The following GRHL3 variants were observed in gnomAD, a reference collection of about 807,000 sequenced individuals.
The protein encoded by GRHL3 is grainyhead like transcription factor 3.
GRHL3 carries 20 observed loss-of-function variants against 70.3 expected under a neutral mutation model. The observed-to-expected ratio is 0.28, with a 90% CI of 0.20 to 0.41. The LOEUF (loss-of-function observed/expected upper bound fraction) is 0.41. Among genes scored for constraint, GRHL3 ranks in the 10% least tolerant of loss-of-function variants. GRHL3 has a pLI of 1.00. For synonymous variants in GRHL3, 299 were observed against 299.9 expected, an observed-to-expected ratio of 1.00 and a Z score of 0.03; for missense variants, 637 against 762.3, an observed-to-expected ratio of 0.84 and a Z score of 1.94.
downstream of GRHL3, among the ~76,000 whole-genome samples, chr1:24,359,485 C>A (rs1471512252): frequency 6.6e-6 from 1 of 152,200 alleles, no homozygotes; most frequent in Non-Finnish European, 1.5e-5. The surrounding 1 kb of genome is among the most constrained non-coding windows in gnomAD (Gnocchi z 5.3). Flanking sequence ...CCTCTACAGC[C>A]TTGCTGGTGT....
downstream of GRHL3, chr1:24,358,674 G>C: frequency 7.2e-7 from 1 of 1,387,330 alleles, no homozygotes; most frequent in Non-Finnish European, 1.0e-6. Flanking sequence ...CATTGCTGCA[G>C]TCTCTGGCAT....
chr1:24,319,845 G>A, intron 1 of GRHL3: 1 of 918,440 alleles, frequency 1.1e-6, no homozygotes, highest in African/African-American at 1.7e-5. Flanking sequence ...GAAGGTTTCT[G>A]GCACCACTTT....
At chr1:24,353,675 A>C (rs1640603611) in intron 15 of GRHL3, among the ~76,000 whole-genome samples, 1 of 152,126 alleles carries the variant, frequency 6.6e-6, no homozygotes, top group Non-Finnish European at 1.5e-5. Flanking sequence ...GATCAGCTCA[A>C]GTCACATCTT....
At chr1:24,319,901 T>C in intron 1 of GRHL3, 1 of 421,606 alleles carries the variant, frequency 2.4e-6, no homozygotes, top group South Asian at 2.5e-5. Context: ...CCCAATCCCA[T>C]CGAGGCTTTC....
Position 24,342,162 on chromosome 1 carries a change from G to C in GRHL3, c.1095G>C (p.Lys365Asn). 6.2e-7 allele frequency: 1 copy of C among 1,611,514 alleles called. No homozygotes were observed. The highest frequency in any genetic ancestry group is 8.5e-7 in the Non-Finnish European group (1 of 1,178,618). The change falls in exon 9 of 16, where the codon AAG becomes AAC. Residue 365 changes from lysine to asparagine, a missense_variant. Around this residue, in one of 2 missense-constraint regions of GRHL3, gnomAD observed 387 missense variants for 513.8 expected, o/e 0.75. Transcript: ENST00000361548. The surrounding 1 kb of genome is among the most constrained non-coding windows in gnomAD (Gnocchi z 4.8). ...TGAGCACAGACTTTTCCTCACAAAA[G>C]GGGGTGAAGGGTGTCCCCCTGAACC... The part of the protein sequence containing the change: ...NCLSTDFSSQ[K>N]GVKGVPLNLQ...
At chr1:24,356,172 TACAGGCGTGAGC>T (rs1054037924), downstream of GRHL3, among the ~76,000 whole-genome samples, 7 of 152,160 alleles carry the variant, frequency 4.6e-5, no homozygotes, top group African/African-American at 1.4e-4. Flanking sequence ...GTGCTGGGAT[TACAGGCGTGAGC>T]CACTGCACCT....
intron 1 of GRHL3, among the ~76,000 whole-genome samples, chr1:24,327,246 T>G (rs966801150): frequency 6.6e-6 from 1 of 152,236 alleles, no homozygotes; most frequent in African/African-American, 2.4e-5. Context: ...GTTAATTTTC[T>G]TCATAGCACT....
intron 13 of GRHL3, 86 bp downstream of exon 13, chr1:24,346,727 G>A: frequency 9.8e-7 from 1 of 1,023,476 alleles, no homozygotes; most frequent in Non-Finnish European, 1.5e-6. Flanking sequence ...TCCTTGGGGT[G>A]GGGCACGAGG....
downstream of GRHL3, among the ~76,000 whole-genome samples, chr1:24,359,916 G>C (rs1640983096): frequency 6.6e-6 from 1 of 152,158 alleles, no homozygotes; most frequent in Admixed American, 6.5e-5. The surrounding 1 kb of genome is among the most constrained non-coding windows in gnomAD (Gnocchi z 5.3). Context: ...TGTAACAGGG[G>C]ATCCCTACTT....
intron 1 of GRHL3, among the ~76,000 whole-genome samples, chr1:24,327,870 C>T (rs1012282142): frequency 1.3e-5 from 2 of 152,126 alleles, no homozygotes; most frequent in South Asian, 4.1e-4. Flanking sequence ...CTTTAAGAGA[C>T]CAGAGAGCCA....
Position 24,322,030 on chromosome 1 carries a change from G to T in GRHL3, c.17+2462G>T, listed in dbSNP as rs1181795645. 1 of 152,126 alleles carries T rather than the reference G, an allele frequency of 6.6e-6. No homozygotes were observed. Among genetic ancestry groups the T allele is most frequent in the African/African-American group, 2.4e-5 (1 of 41,434 alleles). 9.4% of individuals were successfully genotyped at this position (152,126 alleles called of 1,614,324 possible). ...CAGCGTCGGGTTTTCCTGAAGGTGC[G>T]TCGGGGCCCCCGGGGAGCTGGAGCC... On this transcript the variant is annotated intron_variant, in intron 1 of 15. Coordinates refer to ENST00000361548, the MANE Select transcript of GRHL3 (RefSeq NM_198173.3). This position sits in a 1 kb window ranked among gnomAD's most constrained non-coding sequence, Gnocchi z 4.4.
chr1:24,323,439 G>C (rs750620324), intron 1 of GRHL3, among the ~76,000 whole-genome samples: 2 of 152,202 alleles, frequency 1.3e-5, no homozygotes, highest in Non-Finnish European at 2.9e-5. Context: ...AGAGGACTGG[G>C]AAGCAGGAGG....
At chr1:24,336,336 C>T (rs1200621189) in intron 3 of GRHL3, 146 bp from the exon 4 acceptor site, 2 of 575,256 alleles carry the variant, frequency 3.5e-6, no homozygotes, top group Non-Finnish European at 6.1e-6. Flanking sequence ...AATTGGGCTG[C>T]TACAGTGTCT....
At chr1:24,323,252 CCAT>C (rs372665313) in intron 1 of GRHL3, 1,149 of 642,276 alleles carry the variant, frequency 1.8e-3, no homozygotes, top group Admixed American at 2.2e-3. Flanking sequence ...GGTCCGTGGA[CCAT>C]CATCATCATC....
Position 24,330,035 on chromosome 1 carries a change from C to A in GRHL3, c.18-1391C>A, listed in dbSNP as rs985753422. ...CCACCCAGAGCCAGTGAATCAGACA[C>A]TCCAGGGGTGGGGCCCAACAATCTG... On this transcript the variant is annotated intron_variant, in intron 1 of 15. Coordinates refer to ENST00000361548, the MANE Select transcript of GRHL3 (RefSeq NM_198173.3). Among the ~76,000 whole-genome samples the A allele has an allele frequency of 3.3e-5, 5 of 152,344 alleles. No homozygotes were observed. The South Asian group carries it at 8.3e-4, about 25-fold the overall frequency.
intron 8 of GRHL3, among the ~76,000 whole-genome samples, chr1:24,340,460 C>T (rs1569892114): frequency 6.6e-6 from 1 of 152,332 alleles, no homozygotes; most frequent in East Asian, 1.9e-4. Context: ...ATTCTTCCAG[C>T]CTTAGTGCTT....
chr1:24,344,455 C>T (rs996427908), intron 11 of GRHL3, among the ~76,000 whole-genome samples: 1 of 129,504 alleles, frequency 7.7e-6, no homozygotes, highest in African/African-American at 3.0e-5. Context: ...GGTGGGACTG[C>T]ACTCCAGCCT....
At position 24,321,911 on chromosome 1, in the gene GRHL3, G is replaced by A. The variant is rs1410532513; in HGVS notation, c.17+2343G>A. On this transcript the variant is annotated intron_variant, in intron 1 of 15. Transcript: ENST00000361548. This position sits in a 1 kb window ranked among gnomAD's most constrained non-coding sequence, Gnocchi z 4.0. Reference sequence around the variant, plus strand: ...CCTGGGCAGCCCCGGGCTACCGCAGGGCGCAAGGGATCCTGGGCTGCGGCC... The same window carrying A: ...CCTGGGCAGCCCCGGGCTACCGCAGAGCGCAAGGGATCCTGGGCTGCGGCC... The A allele has an allele frequency of 2.6e-5, 4 of 152,144 alleles. No individual in the cohort carries two copies. Among genetic ancestry groups the A allele is most frequent in the South Asian group, 2.1e-4 (1 of 4,834 alleles). 9.4% of individuals were successfully genotyped at this position (152,144 alleles called of 1,614,324 possible).
At chr1:24,355,993 C>T (rs988741992), downstream of GRHL3, among the ~76,000 whole-genome samples, 10 of 151,570 alleles carry the variant, frequency 6.6e-5, no homozygotes, top group African/African-American at 1.9e-4. Flanking sequence ...CTCCGCCTCC[C>T]GGGTTCAAGC....
Sources: gnomAD v4.1 joint callset for allele counts (sites outside exome capture counted in the v4.1 genomes callset) on GRCh38, gnomAD v4.1.1 for gene constraint, gnomAD v4.1.1 regional missense constraint, Gnocchi (gnomAD v3.1) non-coding constraint, MANE v1.5 for transcripts, NCBI Gene and HGNC (gene_info 2026-07-23, HGNC 2026-07-21) for gene names.